MLLT10: variants seen among roughly 807,000 people sequenced by gnomAD.
MLLT10 encodes the protein MLLT10 histone lysine methyltransferase DOT1L cofactor, also known as protein AF-10.
A neutral mutation model predicts 129.1 loss-of-function variants in MLLT10; 30 were observed. The ratio of observed to expected loss-of-function variants is 0.23; its 90% confidence interval spans 0.17 to 0.32. MLLT10 has a LOEUF of 0.32. Among genes scored for constraint, MLLT10 ranks in the 10% least tolerant of loss-of-function variants. The pLI is 1.00. For synonymous variants in MLLT10, 490 were observed against 446.4 expected (o/e 1.10, Z -1.23); for missense variants, 1,119 against 1,268.3 (o/e 0.88, Z 1.79).
intron 13 of MLLT10, among the ~76,000 whole-genome samples, chr10:21,691,919 C>T (rs2053886686): frequency 7.0e-6 from 1 of 143,784 alleles, no homozygotes; most frequent in Non-Finnish European, 1.5e-5. Context: ...AATCCCAGCA[C>T]TTTGGGAGGC....
intron 2 of MLLT10, among the ~76,000 whole-genome samples, chr10:21,538,475 A>T (rs543657719): frequency 4.2e-4 from 61 of 146,414 alleles, no homozygotes; most frequent in Non-Finnish European, 7.4e-4. Context: ...ATTAAAAAAA[A>T]TTTTTTTTTT....
At chr10:21,661,018 T>C (rs899577383) in intron 9 of MLLT10, among the ~76,000 whole-genome samples, 5 of 152,354 alleles carry the variant, frequency 3.3e-5, no homozygotes, top group Middle Eastern at 3.4e-3. Flanking sequence ...CCATATATTT[T>C]AAAATTTCTC....
At chr10:21,679,824 C>G (rs2052557027) in intron 11 of MLLT10, among the ~76,000 whole-genome samples, 1 of 152,154 alleles carries the variant, frequency 6.6e-6, no homozygotes, top group Non-Finnish European at 1.5e-5. Context: ...ATCCAAAATG[C>G]ACCAATGAGC....
chr10:21,605,420 ATTTCT>A (rs767402651), intron 5 of MLLT10, among the ~76,000 whole-genome samples: 2 of 151,904 alleles, frequency 1.3e-5, no homozygotes, highest in Non-Finnish European at 2.9e-5. Flanking sequence ...TGCCATTTTC[ATTTCT>A]TTTATTTTTC....
chr10:21,581,645 G>A (rs2041469135), intron 3 of MLLT10, among the ~76,000 whole-genome samples: 1 of 152,164 alleles, frequency 6.6e-6, no homozygotes, highest in South Asian at 2.1e-4. Flanking sequence ...TCTCATGATA[G>A]CGAGTGAATT....
At chr10:21,604,554 A>G (rs2043870855) in intron 5 of MLLT10, among the ~76,000 whole-genome samples, 1 of 152,114 alleles carries the variant, frequency 6.6e-6, no homozygotes, top group African/African-American at 2.4e-5. Context: ...GTGCCATTGC[A>G]CTCCAGCCTG....
At chr10:21,580,639 C>T (rs2041315789) in intron 3 of MLLT10, among the ~76,000 whole-genome samples, 1 of 151,190 alleles carries the variant, frequency 6.6e-6, no homozygotes, top group South Asian at 2.1e-4. Context: ...ATCTGCCTGC[C>T]TCGGCCTCCC....
intron 8 of MLLT10, among the ~76,000 whole-genome samples, chr10:21,637,129 C>CT (rs2047534529): frequency 6.6e-6 from 1 of 152,116 alleles, no homozygotes; most frequent in South Asian, 2.1e-4. Context: ...TGGGTGGAGG[C>CT]TTTTTTGCCA....
At chr10:21,683,711 C>T (rs1054543072) in intron 13 of MLLT10, among the ~76,000 whole-genome samples, 2 of 151,704 alleles carry the variant, frequency 1.3e-5, no homozygotes, top group African/African-American at 4.8e-5. Flanking sequence ...CCATCCCCAA[C>T]AGTTAGCTTT....
At chr10:21,673,318 C>CCCAT (rs1564622986) in intron 10 of MLLT10, 32 bp from the exon 11 acceptor site, 3 of 307,650 alleles carry the variant, frequency 9.8e-6, no homozygotes, top group Admixed American at 6.2e-5. Flanking sequence ...CACCCCCCAA[C>CCCAT]TTTTTTTTTT....
chr10:21,656,811 A>T (rs2049634248), intron 9 of MLLT10, among the ~76,000 whole-genome samples: 2 of 152,196 alleles, frequency 1.3e-5, no homozygotes, highest in Non-Finnish European at 2.9e-5. Flanking sequence ...TAAGATTGTT[A>T]TCAGAGGGAG....
intron 5 of MLLT10, among the ~76,000 whole-genome samples, chr10:21,607,601 G>C (rs115665725): frequency 6.6e-6 from 1 of 152,090 alleles, no homozygotes; most frequent in Non-Finnish European, 1.5e-5. Flanking sequence ...GATTACAGGC[G>C]TGAGCCACCC....
intron 8 of MLLT10, among the ~76,000 whole-genome samples, chr10:21,618,005 C>T (rs1450455302): frequency 5.3e-5 from 8 of 151,896 alleles, no homozygotes; most frequent in Non-Finnish European, 1.2e-4. Flanking sequence ...CAGAGTGAGA[C>T]CCCTGTCTCT....
chr10:21,639,236 C>T (rs1388345090), intron 8 of MLLT10, among the ~76,000 whole-genome samples: 1 of 152,208 alleles, frequency 6.6e-6, no homozygotes, highest in Non-Finnish European at 1.5e-5. Context: ...GATTTCTCCC[C>T]ACCAAGCAAG....
intron 13 of MLLT10, among the ~76,000 whole-genome samples, chr10:21,687,745 C>G (rs2053446522): frequency 6.6e-6 from 1 of 151,822 alleles, no homozygotes. Context: ...AAATGAAATT[C>G]TAGAGAAAGG....
Position 21,726,284 on chromosome 10 carries a change from C to G in MLLT10, c.1919C>G (p.Ser640Cys). The G allele has an allele frequency of 6.2e-7, 1 of 1,613,198 alleles. No individual in the cohort carries two copies. The highest frequency in any genetic ancestry group is 2.2e-5 in the East Asian group (1 of 44,770). ...GGATCTTCTCTCAGTCAGGCACCATCTCATATGTATGGCAATAGATCAAAT... is the reference window on the plus strand; with the variant it reads ...GGATCTTCTCTCAGTCAGGCACCATGTCATATGTATGGCAATAGATCAAAT... Reference protein sequence around the residue: ...LSGSSLSQAPSHMYGNRSNSS... With the variant: ...LSGSSLSQAPCHMYGNRSNSS... The change falls in exon 15 of 23, where the codon TCT becomes TGT. Residue 640 changes from serine (S) to cysteine (C), a missense_variant. Physicochemically the swap from Ser to Cys is moderately radical, Grantham distance 112 (BLOSUM62 -1). Around this residue, in one of 5 missense-constraint regions of MLLT10, gnomAD observed 1,004 missense variants for 1,008.7 expected, o/e 1.00. Transcript: ENST00000307729.
At chr10:21,609,947 C>G (rs924318060) in intron 5 of MLLT10, among the ~76,000 whole-genome samples, 1 of 152,086 alleles carries the variant, frequency 6.6e-6, no homozygotes, top group African/African-American at 2.4e-5. Flanking sequence ...AAACCTTAAG[C>G]ATGAACTCTA....
Position 21,535,797 on chromosome 10 carries a change from C to T in MLLT10, c.160+993C>T, listed in dbSNP as rs184240889. On this transcript the variant is annotated intron_variant, in intron 2 of 22. Transcript: ENST00000307729. ...GAAAGGACTACCACCAAAAGGGAGA[C>T]GAAAATTTGAACATCTGCTAAAGTG... Among the ~76,000 whole-genome samples the T allele has an allele frequency of 2.3e-4, 35 of 152,132 alleles. No individual in the cohort carries two copies. The East Asian group carries it at 5.4e-3, about 23-fold the overall frequency.
intron 18 of MLLT10, among the ~76,000 whole-genome samples, 190 bp from the exon 19 acceptor site, chr10:21,733,314 T>C (rs962157003): frequency 6.6e-6 from 1 of 152,210 alleles, no homozygotes; most frequent in South Asian, 2.1e-4. Flanking sequence ...GATCTCGTTA[T>C]TGATTTAAAG....
Sources: gnomAD v4.1 joint callset for allele counts (sites outside exome capture counted in the v4.1 genomes callset) on GRCh38, gnomAD v4.1.1 for gene constraint, gnomAD v4.1.1 regional missense constraint, MANE v1.5 for transcripts, NCBI Gene and HGNC (gene_info 2026-07-23, HGNC 2026-07-21) for gene names.